PRRC2C: variants seen among roughly 807,000 people sequenced by gnomAD.
PRRC2C encodes proline rich coiled-coil 2C.
A neutral mutation model predicts 317.2 loss-of-function variants in PRRC2C; 72 were observed. That is an observed-to-expected ratio of 0.23 (90% CI 0.19 to 0.28). The LOEUF (loss-of-function observed/expected upper bound fraction) is 0.28. Among genes scored for constraint, PRRC2C ranks in the 10% least tolerant of loss-of-function variants. PRRC2C has a pLI of 1.00. For synonymous variants in PRRC2C, 1,296 were observed against 1,205.9 expected (o/e 1.07, Z -1.55); for missense variants, 3,074 against 3,459.7 (o/e 0.89, Z 2.80).
At position 171,587,825 on chromosome 1, in the gene PRRC2C, G is replaced by GTGA. The variant is rs1650400465; in HGVS notation, c.8072+75_8072+77dup. 5 of 930,098 alleles carry GTGA rather than the reference G, an allele frequency of 5.4e-6. No individual in the cohort carries two copies. In the South Asian group the frequency reaches 7.6e-5, roughly 14 times the overall value. The allele number at this position is 930,098 out of a possible 1,614,324, so 57.6% of individuals were successfully genotyped here. A position where few individuals can be genotyped will look rare whatever the true frequency, so the allele number is the denominator to read the frequency against. ...TTTGTTAAATACTTATCAGTCCTGT[G>GTGA]TGACATAATCCCTTTTCCAAGCAGA... On this transcript the variant is annotated intron_variant, in intron 32 of 34. Coordinates refer to ENST00000647382, the MANE Select transcript of PRRC2C (RefSeq NM_001387844.1).
chr1:171,533,864 T>C (rs962411885), intron 12 of PRRC2C, among the ~76,000 whole-genome samples: 3 of 152,164 alleles, frequency 2.0e-5, no homozygotes, highest in Admixed American at 2.0e-4. Flanking sequence ...CCTCGTGATC[T>C]GCCTGCCTCG....
Position 171,587,628 on chromosome 1 carries a change from T to A in PRRC2C, c.7969-20T>A. ...TGTGGAATTAAAGAAATGTTAAGTTTATTTTATGCTTCTCCTCAGATGTCT... is the reference window on the plus strand; with the variant it reads ...TGTGGAATTAAAGAAATGTTAAGTTAATTTTATGCTTCTCCTCAGATGTCT... On this transcript the variant is annotated intron_variant, in intron 31 of 34. Coordinates refer to ENST00000647382, the MANE Select transcript of PRRC2C (RefSeq NM_001387844.1). The A allele has an allele frequency of 6.6e-7, 1 of 1,517,392 alleles. No individual in the cohort carries two copies. The highest frequency in any genetic ancestry group is 9.1e-7 in the Non-Finnish European group (1 of 1,094,610). 94.0% of individuals were successfully genotyped at this position (1,517,392 alleles called of 1,614,324 possible). A position where few individuals can be genotyped will look rare whatever the true frequency, so the allele number is the denominator to read the frequency against.
intron 17 of PRRC2C, among the ~76,000 whole-genome samples, chr1:171,548,157 G>A (rs1399259565): frequency 6.6e-6 from 1 of 151,844 alleles, no homozygotes; most frequent in East Asian, 1.9e-4. Flanking sequence ...AGTAGAGAGA[G>A]GGTTTTTTAC....
rs899027713 is a variant in PRRC2C at position 171,577,430 on chromosome 1, A to G, written c.6956-4A>G. ...TTCCCCTTTATTTGCTTCCCCAAAT[A>G]TAGGAGCTGGTACATACACTACCTC... On this transcript the variant is annotated splice_polypyrimidine_tract_variant and splice_region_variant and intron_variant, in intron 25 of 34. Transcript: ENST00000647382. 1.0e-5 allele frequency: 16 copies of G among 1,593,828 alleles called. No individual in the cohort carries two copies. The highest frequency in any genetic ancestry group is 1.4e-5 in the Non-Finnish European group (16 of 1,163,212).
At chr1:171,538,282 A>T (rs1267888907) in intron 15 of PRRC2C, among the ~76,000 whole-genome samples, 1 of 152,078 alleles carries the variant, frequency 6.6e-6, no homozygotes, top group Non-Finnish European at 1.5e-5. Flanking sequence ...GCCACTTGGG[A>T]TGTCTTTATT....
rs1557931623 is a variant in PRRC2C, at chr1:171,532,393, C to G, written c.1305C>G (p.Pro435=). The G allele has an allele frequency of 1.9e-6, 3 of 1,613,928 alleles. No homozygotes were observed. Among genetic ancestry groups the G allele is most frequent in the Non-Finnish European group, 2.5e-6 (3 of 1,179,878 alleles). ...TACCTGGAAGACCAGGCCCCTTTCCCTCCAAGCAGCAAGTAGCTGATGAAG... is the reference window on the plus strand; with the variant it reads ...TACCTGGAAGACCAGGCCCCTTTCCGTCCAAGCAGCAAGTAGCTGATGAAG... ...QAVPGRPGPF[P]SKQQVADEDE... The change falls in exon 12 of 35, where the codon CCC becomes CCG. Residue 435 remains proline, a synonymous_variant. Transcript: ENST00000647382.
rs762358689 is a variant in PRRC2C, at chr1:171,541,903, G to T, written c.4437G>T (p.Gly1479=). The change falls in exon 16 of 35, where the codon GGG becomes GGT. Residue 1479 remains glycine, a synonymous_variant. Coordinates refer to ENST00000647382, the MANE Select transcript of PRRC2C (RefSeq NM_001387844.1). This position sits in a 1 kb window ranked among gnomAD's most constrained non-coding sequence, Gnocchi z 4.1. ...EPVNTLGDIS[G]NKTPDLSNQN... ...TTAATACTCTTGGGGATATTTCCGG[G>T]AATAAGACACCAGATTTATCTAATC... 1.2e-6 allele frequency: 2 copies of T among 1,613,708 alleles called. No individual in the cohort carries two copies. The highest frequency in any genetic ancestry group is 1.7e-6 in the Non-Finnish European group (2 of 1,179,822).
At chr1:171,566,880 C>T (rs1399106889) in intron 22 of PRRC2C, 37 bp downstream of exon 22, 1 of 1,560,392 alleles carries the variant, frequency 6.4e-7, no homozygotes, top group South Asian at 1.2e-5. Flanking sequence ...TCAACAGATG[C>T]AAGCCATGTC....
rs1385483278 is a variant in PRRC2C at position 171,571,424 on chromosome 1, A to T, written c.6753+3A>T. 6.4e-7 allele frequency: 1 copy of T among 1,570,572 alleles called. No homozygotes were observed. Among genetic ancestry groups the T allele is most frequent in the South Asian group, 1.1e-5 (1 of 90,098 alleles). ...CTACTTTCAGCCTCACCTTCAAGGT[A>T]TGTACAACATCCATCTCTAAGAGTC... On this transcript the variant is annotated splice_donor_region_variant and intron_variant, in intron 24 of 34. Coordinates refer to ENST00000647382, the MANE Select transcript of PRRC2C (RefSeq NM_001387844.1).
chr1:171,513,229 T>G, intron 3 of PRRC2C, 57 bp downstream of exon 3: 1 of 1,498,290 alleles, frequency 6.7e-7, no homozygotes, highest in Non-Finnish European at 9.0e-7. Flanking sequence ...AGGGAACTTA[T>G]GTTTGAGTAC....
At chr1:171,512,435 G>GA in intron 2 of PRRC2C, 1 of 390,034 alleles carries the variant, frequency 2.6e-6, no homozygotes, top group African/African-American at 2.1e-5. Flanking sequence ...GTTGTCAGCA[G>GA]AAAAAAGGTA....
intron 11 of PRRC2C, among the ~76,000 whole-genome samples, chr1:171,530,041 C>T (rs1675481272): frequency 6.6e-6 from 1 of 152,062 alleles, no homozygotes; most frequent in Non-Finnish European, 1.5e-5. Context: ...AAAACTAAAA[C>T]ATCTAGAAAA....
At chr1:171,545,148 T>C (rs534106399) in intron 16 of PRRC2C, among the ~76,000 whole-genome samples, 5 of 152,224 alleles carry the variant, frequency 3.3e-5, no homozygotes, top group African/African-American at 4.8e-5. Flanking sequence ...TTGAACTTGC[T>C]TGGATCACAG....
At chr1:171,536,345 T>C (rs774477269) in intron 14 of PRRC2C, 67 bp downstream of exon 14, 26 of 1,510,114 alleles carry the variant, frequency 1.7e-5, no homozygotes, top group Non-Finnish European at 2.3e-5. Context: ...TTAGTTTCAG[T>C]TCCTTTGAGA....
intron 32 of PRRC2C, 79 bp downstream of exon 32, chr1:171,587,830 A>G: frequency 1.2e-6 from 1 of 859,588 alleles, no homozygotes; most frequent in Non-Finnish European, 1.8e-6. Flanking sequence ...CCTGTGTGAC[A>G]TAATCCCTTT....
At chr1:171,573,827 C>T (rs1319217277) in intron 24 of PRRC2C, among the ~76,000 whole-genome samples, 2 of 151,574 alleles carry the variant, frequency 1.3e-5, no homozygotes, top group African/African-American at 4.8e-5. Context: ...TACAGGCGCA[C>T]ACCACGCCCG....
intron 10 of PRRC2C, among the ~76,000 whole-genome samples, chr1:171,525,704 T>C (rs1674431787): frequency 6.6e-6 from 1 of 152,158 alleles, no homozygotes; most frequent in African/African-American, 2.4e-5. Flanking sequence ...AATAAATTCT[T>C]TGAGCATTCA....
chr1:171,573,315 A>G (rs1685096147), intron 24 of PRRC2C, among the ~76,000 whole-genome samples: 1 of 152,226 alleles, frequency 6.6e-6, no homozygotes, highest in Non-Finnish European at 1.5e-5. Flanking sequence ...TGTGGCCTGT[A>G]TGTTATGTAA....
At chr1:171,554,852 C>T (rs926610530) in intron 18 of PRRC2C, among the ~76,000 whole-genome samples, 9 of 152,168 alleles carry the variant, frequency 5.9e-5, no homozygotes, top group Admixed American at 5.9e-4. Context: ...GATGGGCTTC[C>T]CTTTGAGGGT....
Sources: gnomAD v4.1 joint callset for allele counts (sites outside exome capture counted in the v4.1 genomes callset) on GRCh38, gnomAD v4.1.1 for gene constraint, Gnocchi (gnomAD v3.1) non-coding constraint, MANE v1.5 for transcripts, NCBI Gene and HGNC (gene_info 2026-07-23, HGNC 2026-07-21) for gene names.